The following PSKH1 variants were observed in gnomAD, a reference collection of about 807,000 sequenced individuals.
PSKH1 encodes the protein protein serine kinase H1, also known as serine/threonine-protein kinase H1.
A neutral mutation model predicts 26.7 loss-of-function variants in PSKH1; 12 were observed. The ratio of observed to expected loss-of-function variants is 0.45; its 90% CI spans 0.29 to 0.73. PSKH1 has a LOEUF of 0.73. Among genes scored for constraint, PSKH1 ranks in the 30% least tolerant of loss-of-function variants. The pLI is 0.11. For synonymous variants in PSKH1, 213 were observed against 234.3 expected, an observed-to-expected ratio of 0.91 and a Z score of 0.83; for missense variants, 431 against 595.2, an observed-to-expected ratio of 0.72 and a Z score of 2.87.
intron 1 of PSKH1, among the ~76,000 whole-genome samples, chr16:67,899,886 T>G: frequency 1.3e-5 from 2 of 151,772 alleles, no homozygotes. Context: ...TGACCTCAAG[T>G]GATCCACCTG....
At chr16:67,905,336 A>G (rs1255355173) in intron 1 of PSKH1, among the ~76,000 whole-genome samples, 2 of 151,860 alleles carry the variant, frequency 1.3e-5, no homozygotes, top group East Asian at 3.9e-4. Flanking sequence ...CCTTTGTACC[A>G]CCAAACTGCC....
chr16:67,907,415 C>A (rs2418917), intron 1 of PSKH1, among the ~76,000 whole-genome samples: 8,055 of 152,058 alleles, frequency 0.053, 651 homozygotes, highest in African/African-American at 0.18. Context: ...CGCCCACCAC[C>A]ACACCCAGCT....
chr16:67,908,169 G>A (rs1224394432), intron 1 of PSKH1, among the ~76,000 whole-genome samples: 1 of 152,164 alleles, frequency 6.6e-6, no homozygotes, highest in Non-Finnish European at 1.5e-5. Flanking sequence ...AAGCCGTGAA[G>A]CTCGGGCCAT....
chr16:67,898,239 AC>A (rs2058131857), intron 1 of PSKH1, among the ~76,000 whole-genome samples: 1 of 151,996 alleles, frequency 6.6e-6, no homozygotes, highest in Admixed American at 6.6e-5. Flanking sequence ...AGCCTGGGCA[AC>A]ATGGTGAAAC....
At chr16:67,903,667 A>G (rs757920534) in intron 1 of PSKH1, among the ~76,000 whole-genome samples, 1 of 151,718 alleles carries the variant, frequency 6.6e-6, no homozygotes, top group Non-Finnish European at 1.5e-5. Flanking sequence ...CACACATCCA[A>G]AACTGAACTC....
chr16:67,909,166 G>T lies in PSKH1; in HGVS notation c.417G>T (p.Val139=). 6.2e-7 allele frequency: 1 copy of T among 1,614,194 alleles called. No individual in the cohort carries two copies. Among genetic ancestry groups the T allele is most frequent in the Non-Finnish European group, 8.5e-7 (1 of 1,180,052 alleles). The change falls in exon 2 of 3, where the codon GTG becomes GTT. Residue 139 remains valine (V), a synonymous_variant. Coordinates refer to ENST00000291041, the MANE Select transcript of PSKH1 (RefSeq NM_006742.3). The surrounding 1 kb of genome is among the most constrained non-coding windows in gnomAD (Gnocchi z 7.8). The stretch of plus-strand genomic sequence containing the variant: ...CCAAGTACCGGGAGGGGCGGGAGGT[G>T]TGTGAGTCGGAGCTGCGTGTGCTGC... ...IETKYREGRE[V]CESELRVLRR...
intron 2 of PSKH1, among the ~76,000 whole-genome samples, chr16:67,919,964 A>C (rs1777767915): frequency 6.6e-6 from 1 of 152,212 alleles, no homozygotes; most frequent in Admixed American, 6.5e-5. Flanking sequence ...ACGCTGCTGC[A>C]TTCAGCCGTT....
At chr16:67,901,384 T>C (rs1689940094) in intron 1 of PSKH1, among the ~76,000 whole-genome samples, 1 of 152,164 alleles carries the variant, frequency 6.6e-6, no homozygotes, top group South Asian at 2.1e-4. Flanking sequence ...CAGGCTGGAG[T>C]GCAGTGGCGC....
chr16:67,907,227 T>C (rs2151311911), intron 1 of PSKH1, among the ~76,000 whole-genome samples: 1 of 151,792 alleles, frequency 6.6e-6, no homozygotes, highest in East Asian at 1.9e-4. Flanking sequence ...TCTCCCAAAG[T>C]GCTGAGGTTA....
chr16:67,904,718 G>A (rs759409084), intron 1 of PSKH1, among the ~76,000 whole-genome samples: 7 of 151,938 alleles, frequency 4.6e-5, no homozygotes, highest in Non-Finnish European at 8.8e-5. Flanking sequence ...CTGCACTCAA[G>A]CTATCCCCCC....
chr16:67,902,363 C>T (rs937299232), intron 1 of PSKH1, among the ~76,000 whole-genome samples: 7 of 151,964 alleles, frequency 4.6e-5, no homozygotes, highest in South Asian at 4.1e-4. Flanking sequence ...TACAGTGGTG[C>T]GATCTCGGCT....
Position 67,927,884 on chromosome 16 carries a change from G to C in PSKH1, c.*242G>C, listed in dbSNP as rs1351959162. The C allele has an allele frequency of 3.5e-6, 2 of 564,258 alleles. No homozygotes were observed. The highest frequency in any genetic ancestry group is 3.8e-5 in the African/African-American group (2 of 53,332). The allele number at this position is 564,258 out of a possible 1,614,324, so 35.0% of individuals were successfully genotyped here. Reference sequence around the variant, plus strand: ...TCCCCCTGAACTGGGAGCCTGGCCTGGCACTGATACCCCTCTTGGTGGGCA... The same window carrying C: ...TCCCCCTGAACTGGGAGCCTGGCCTCGCACTGATACCCCTCTTGGTGGGCA... On this transcript the variant is annotated 3_prime_UTR_variant, in exon 3 of 3. Coordinates refer to ENST00000291041, the MANE Select transcript of PSKH1 (RefSeq NM_006742.3). This position sits in a 1 kb window ranked among gnomAD's most constrained non-coding sequence, Gnocchi z 5.5.
intron 2 of PSKH1, among the ~76,000 whole-genome samples, chr16:67,918,293 G>A (rs578139439): frequency 3.3e-5 from 5 of 152,112 alleles, no homozygotes; most frequent in Non-Finnish European, 5.9e-5. Context: ...TCAGCATCCT[G>A]AATTATCACC....
intron 1 of PSKH1, among the ~76,000 whole-genome samples, chr16:67,906,601 G>A (rs1188923096): frequency 6.6e-6 from 1 of 152,098 alleles, no homozygotes. Flanking sequence ...CTGACCTCAA[G>A]TGATCCGCCC....
At chr16:67,908,578 G>A (rs974548792) in intron 1 of PSKH1, 102 bp from the exon 2 acceptor site, 2 of 592,266 alleles carry the variant, frequency 3.4e-6, no homozygotes, top group African/African-American at 3.7e-5. Flanking sequence ...CAGGAGTTTG[G>A]TTTTAATGAG....
Position 67,893,529 on chromosome 16 carries a change from C to A in PSKH1, c.-71+158C>A, listed in dbSNP as rs535770030. ...GGGCCTACAGGGTTGGAGAGCAGGC[C>A]GGGCGATGGCTGCTCGGGTTCCCGG... On this transcript the variant is annotated intron_variant, in intron 1 of 2. Coordinates refer to ENST00000291041, the MANE Select transcript of PSKH1 (RefSeq NM_006742.3). Among the ~76,000 whole-genome samples, 18 of 152,372 alleles carry A rather than the reference C, an allele frequency of 1.2e-4. No homozygotes were observed. In the South Asian group the frequency reaches 3.1e-3, roughly 26 times the overall value.
At chr16:67,904,858 G>T (rs542912371) in intron 1 of PSKH1, among the ~76,000 whole-genome samples, 1 of 130,280 alleles carries the variant, frequency 7.7e-6, no homozygotes, top group Non-Finnish European at 1.6e-5. Context: ...ACAAAGTCTC[G>T]CTCTGTCGCC....
rs1198786155 is a variant in PSKH1 at position 67,894,965 on chromosome 16, GC to G, written c.-71+1597del. ...TTTGAGACGGAGTTTTGCTCTTTTT[GC>G]CCAGGCTGGAGCAATGGCGCGATCT... On this transcript the variant is annotated intron_variant, in intron 1 of 2. Coordinates refer to ENST00000291041, the MANE Select transcript of PSKH1 (RefSeq NM_006742.3). 1.2e-4 allele frequency among the ~76,000 whole-genome samples: 7 copies of G among 57,526 alleles called. No homozygotes were observed. The East Asian group carries it at 2.7e-3, about 22-fold the overall frequency. 37.7% of individuals were successfully genotyped at this position (57,526 alleles called of 152,430 possible).
chr16:67,922,223 C>T (rs935605925), intron 2 of PSKH1, among the ~76,000 whole-genome samples: 4 of 152,218 alleles, frequency 2.6e-5, no homozygotes, highest in Non-Finnish European at 5.9e-5. Context: ...TGCTCTTCGT[C>T]GTGGGCAGCA....
Sources: gnomAD v4.1 joint callset for allele counts (sites outside exome capture counted in the v4.1 genomes callset) on GRCh38, gnomAD v4.1.1 for gene constraint, Gnocchi (gnomAD v3.1) non-coding constraint, MANE v1.5 for transcripts, NCBI Gene and HGNC (gene_info 2026-07-23, HGNC 2026-07-21) for gene names.